Variants in CAMP observed in about 807,000 individuals in gnomAD.
CAMP encodes the protein cathelicidin antimicrobial peptide.
A neutral mutation model predicts 12.7 loss-of-function variants in CAMP; 10 were observed. The observed-to-expected ratio is 0.79, with a 90% CI of 0.49 to 1.34. The LOEUF (loss-of-function observed/expected upper bound fraction) is 1.34. Among genes scored for constraint, CAMP ranks in the 40% most tolerant of loss-of-function variants. The probability of loss-of-function intolerance (pLI) is 0.00; values close to 1 mark genes in which losing one functional copy is unlikely to be tolerated. For synonymous variants in CAMP, 87 were observed against 85.2 expected, an observed-to-expected ratio of 1.02 and a Z score of -0.12; for missense variants, 205 against 213.0, an observed-to-expected ratio of 0.96 and a Z score of 0.23.
rs766554697 is a variant in CAMP at position 48,223,584 on chromosome 3, C to G, written c.73C>G (p.Pro25Ala). ...LVLLLLGLVM[P>A]LAIIAQVLSY... Reference sequence around the variant, plus strand: ...GCTCCTGCTGCTGGGCCTGGTGATGCCTCTGGCCATCATTGCCCAGGTCCT... The same window carrying G: ...GCTCCTGCTGCTGGGCCTGGTGATGGCTCTGGCCATCATTGCCCAGGTCCT... The change falls in exon 1 of 4, where the codon CCT (proline) becomes GCT (alanine). Residue 25 changes from proline (P) to alanine (A), a missense_variant. Pro to Ala is a conservative substitution (Grantham distance 27). Transcript: ENST00000652295. The G allele has an allele frequency of 6.2e-7, 1 of 1,613,522 alleles. No homozygotes were observed. The highest frequency in any genetic ancestry group is 1.1e-5 in the South Asian group (1 of 90,946).
intron 2 of CAMP, 42 bp downstream of exon 2, chr3:48,224,503 G>A (rs1208190205): frequency 6.5e-7 from 1 of 1,539,572 alleles, no homozygotes; most frequent in African/African-American, 1.4e-5. Flanking sequence ...GCCTCCCAAG[G>A]AGCTGAACAG....
At chr3:48,223,760 G>A (rs766165395) in intron 1 of CAMP, 48 bp downstream of exon 1, 20 of 1,450,010 alleles carry the variant, frequency 1.4e-5, no homozygotes, top group Admixed American at 7.0e-5. Flanking sequence ...GCTTGGCCAC[G>A]TGTTGTTCCT....
In CAMP at chr3:48,224,674, G is replaced by A. The variant is rs369152059; in HGVS notation, c.381G>A (p.Lys127=). 8.1e-6 allele frequency: 13 copies of A among 1,611,450 alleles called. No individual in the cohort carries two copies. In the African/African-American group the frequency reaches 1.1e-4, roughly 13 times the overall value. Residue 127 remains lysine, a splice_region_variant and synonymous_variant, in exon 3 of 4, where the codon AAG becomes AAA. Coordinates refer to ENST00000652295, the MANE Select transcript of CAMP (RefSeq NM_004345.5). ...ARGSFDISCD[K]DNKRFALLGD... ...GCTCCTTTGACATCAGTTGTGATAAGGTGAGTGGGCTGTTCTGGGATGCAG... is the reference window on the plus strand; with the variant it reads ...GCTCCTTTGACATCAGTTGTGATAAAGTGAGTGGGCTGTTCTGGGATGCAG...
chr3:48,225,214 T>G, intron 3 of CAMP, 79 bp from the exon 4 acceptor site: 1 of 1,467,562 alleles, frequency 6.8e-7, no homozygotes. Context: ...AAGAGGGGCG[T>G]CTAGGTGGGG....
At chr3:48,224,780 C>T (rs1278801477) in intron 3 of CAMP, 106 bp downstream of exon 3, 1 of 861,346 alleles carries the variant, frequency 1.2e-6, no homozygotes, top group East Asian at 2.4e-5. Flanking sequence ...AAAGCCCCTC[C>T]TACCCAGGGC....
chr3:48,224,069 T>G (rs2033467007), intron 1 of CAMP, among the ~76,000 whole-genome samples: 1 of 152,092 alleles, frequency 6.6e-6, no homozygotes, highest in Non-Finnish European at 1.5e-5. Flanking sequence ...TAGGTTCCAG[T>G]GGGCATGTCT....
intron 3 of CAMP, 103 bp from the exon 4 acceptor site, chr3:48,225,190 T>G (rs1337918592): frequency 8.4e-7 from 1 of 1,190,872 alleles, no homozygotes; most frequent in Non-Finnish European, 1.2e-6. Context: ...CCAAAGCTCC[T>G]GCGGGGGCCC....
rs748568116 is a variant in CAMP, at chr3:48,223,703, G to A, written c.192G>A (p.Arg64=). The A allele has an allele frequency of 2.5e-6, 4 of 1,613,690 alleles. No homozygotes were observed. Among genetic ancestry groups the A allele is most frequent in the Non-Finnish European group, 3.4e-6 (4 of 1,179,720 alleles). ...NLYRLLDLDP[R]PTMDGDPDTP... ...ACCGCCTCCTGGACCTGGACCCCAG[G>A]CCCACGATGGTGAGCTTTGGGGGAC... The change falls in exon 1 of 4, where the codon AGG becomes AGA. Residue 64 remains arginine (R), a synonymous_variant. Coordinates refer to ENST00000652295, the MANE Select transcript of CAMP (RefSeq NM_004345.5).
intron 1 of CAMP, among the ~76,000 whole-genome samples, chr3:48,223,915 T>G (rs545858501): frequency 1.2e-4 from 18 of 152,156 alleles, no homozygotes; most frequent in African/African-American, 4.1e-4. Context: ...AGAGATACCC[T>G]CACCCCGACC....
At chr3:48,224,721 G>A (rs768349357) in intron 3 of CAMP, 47 bp downstream of exon 3, 1 of 1,386,878 alleles carries the variant, frequency 7.2e-7, no homozygotes, top group Admixed American at 1.7e-5. Context: ...GGCATAGAGT[G>A]TGGACCATCC....
chr3:48,225,177 G>C (rs747275053), intron 3 of CAMP, 116 bp from the exon 4 acceptor site: 2 of 956,072 alleles, frequency 2.1e-6, no homozygotes, highest in Non-Finnish European at 3.3e-6. Flanking sequence ...TTGAACTGGG[G>C]CCCCAAAGCT....
intron 1 of CAMP, 76 bp from the exon 2 acceptor site, chr3:48,224,278 G>C: frequency 1.0e-6 from 1 of 973,976 alleles, no homozygotes; most frequent in Non-Finnish European, 1.6e-6. Flanking sequence ...TGGAAAGCCT[G>C]CCCTCTTGGT....
At chr3:48,225,267 C>A in intron 3 of CAMP, 26 bp from the exon 4 acceptor site, 2 of 1,611,310 alleles carry the variant, frequency 1.2e-6, no homozygotes, top group African/African-American at 1.3e-5. Context: ...GACAAGGAAC[C>A]TGTTTCTTCC....
At chr3:48,223,762 G>T in intron 1 of CAMP, 50 bp downstream of exon 1, 2 of 1,444,766 alleles carry the variant, frequency 1.4e-6, no homozygotes, top group Non-Finnish European at 1.9e-6. Context: ...TTGGCCACGT[G>T]TTGTTCCTTC....
At chr3:48,224,325 T>C in intron 1 of CAMP, 29 bp from the exon 2 acceptor site, 1 of 1,454,224 alleles carries the variant, frequency 6.9e-7, no homozygotes. Context: ...AATACAAGAA[T>C]GGGCCTCCCC....
intron 3 of CAMP, 99 bp from the exon 4 acceptor site, chr3:48,225,194 G>C: frequency 3.2e-6 from 4 of 1,238,694 alleles, no homozygotes; most frequent in Non-Finnish European, 4.7e-6. Flanking sequence ...AGCTCCTGCG[G>C]GGGCCCACGA....
chr3:48,224,670 A>G lies in CAMP; in HGVS notation c.377A>G (p.Asp126Gly), dbSNP rs145025858. The part of the protein sequence containing the change: ...QARGSFDISC[D>G]KDNKRFALLG... ...AGGGGCTCCTTTGACATCAGTTGTGATAAGGTGAGTGGGCTGTTCTGGGAT... is the reference window on the plus strand; with the variant it reads ...AGGGGCTCCTTTGACATCAGTTGTGGTAAGGTGAGTGGGCTGTTCTGGGAT... The change falls in exon 3 of 4, where the codon GAT becomes GGT. Residue 126 changes from aspartate (D) to glycine (G), a missense_variant. Asp to Gly is a moderately conservative substitution (Grantham distance 94, BLOSUM62 -1). Transcript: ENST00000652295. 6.8e-6 allele frequency: 11 copies of G among 1,612,118 alleles called. No individual in the cohort carries two copies. The Admixed American group carries it at 1.2e-4, about 17-fold the overall frequency.
intron 3 of CAMP, among the ~76,000 whole-genome samples, chr3:48,224,968 C>T (rs1182648937): frequency 6.6e-6 from 1 of 152,140 alleles, no homozygotes; most frequent in Non-Finnish European, 1.5e-5. Context: ...ATAAGCTTTC[C>T]AGGAGATTCC....
Position 48,223,643 on chromosome 3 carries a change from T to A in CAMP, c.132T>A (p.Asp44Glu). 6.2e-7 allele frequency: 1 copy of A among 1,614,166 alleles called. No individual in the cohort carries two copies. The highest frequency in any genetic ancestry group is 8.5e-7 in the Non-Finnish European group (1 of 1,180,018). ...AGGAAGCTGTGCTTCGTGCTATAGATGGCATCAACCAGCGGTCCTCGGATG... is the reference window on the plus strand; with the variant it reads ...AGGAAGCTGTGCTTCGTGCTATAGAAGGCATCAACCAGCGGTCCTCGGATG... ...SYKEAVLRAI[D>E]GINQRSSDAN... Residue 44 changes from aspartate to glutamate, a missense_variant, in exon 1 of 4, where the codon GAT (aspartate) becomes GAA (glutamate). Coordinates refer to ENST00000652295, the MANE Select transcript of CAMP (RefSeq NM_004345.5).
Sources: gnomAD v4.1 joint callset for allele counts (sites outside exome capture counted in the v4.1 genomes callset) on GRCh38, gnomAD v4.1.1 for gene constraint, MANE v1.5 for transcripts, NCBI Gene and HGNC (gene_info 2026-07-23, HGNC 2026-07-21) for gene names.